NME7: variants seen among roughly 807,000 people sequenced by gnomAD.
The protein encoded by NME7 is nucleoside diphosphate kinase 7.
Under a neutral mutation model 49.1 loss-of-function variants are expected in NME7, and 41 were observed. The ratio of observed to expected loss-of-function variants is 0.83; its 90% CI spans 0.65 to 1.08. The LOEUF is 1.08. Among genes scored for constraint, NME7 ranks in the 50% least tolerant of loss-of-function variants. The pLI is 0.00. For missense variants in NME7, 423 were observed against 463.4 expected, an observed-to-expected ratio of 0.91 and a Z score of 0.80; for synonymous variants, 139 against 150.6, an observed-to-expected ratio of 0.92 and a Z score of 0.56.
chr1:169,182,002 T>C (rs964939189), intron 10 of NME7, among the ~76,000 whole-genome samples: 8 of 152,004 alleles, frequency 5.3e-5, no homozygotes, highest in Non-Finnish European at 1.5e-5. Context: ...CTATCATATA[T>C]CTTTAGACGA....
chr1:169,341,623 A>G (rs1652703359), intron 1 of NME7, among the ~76,000 whole-genome samples: 1 of 152,186 alleles, frequency 6.6e-6, no homozygotes, highest in Non-Finnish European at 1.5e-5. Context: ...ACTCGATGCC[A>G]GCCTTTGAAA....
At chr1:169,145,287 G>A (rs1367437393) in intron 11 of NME7, among the ~76,000 whole-genome samples, 1 of 152,216 alleles carries the variant, frequency 6.6e-6, no homozygotes, top group Non-Finnish European at 1.5e-5. Flanking sequence ...AAGGGGACCA[G>A]TATTTATCAT....
chr1:169,323,419 C>T (rs1651930698), intron 2 of NME7, 136 bp from the exon 3 acceptor site: 1 of 645,840 alleles, frequency 1.5e-6, no homozygotes, highest in African/African-American at 1.9e-5. Flanking sequence ...TTTTTTGTTA[C>T]AAATATAAAT....
At chr1:169,259,695 GT>G (rs1649101998) in intron 7 of NME7, among the ~76,000 whole-genome samples, 1 of 133,810 alleles carries the variant, frequency 7.5e-6, no homozygotes, top group Non-Finnish European at 1.8e-5. Flanking sequence ...GCCAAACCTT[GT>G]TTCATTTATT....
chr1:169,317,961 G>T (rs1226421353), intron 3 of NME7, among the ~76,000 whole-genome samples: 1 of 152,168 alleles, frequency 6.6e-6, no homozygotes, highest in East Asian at 1.9e-4. Flanking sequence ...TCAAGTAGGG[G>T]ATAGTGTACA....
At chr1:169,238,908 T>G (rs1647971412) in intron 7 of NME7, among the ~76,000 whole-genome samples, 1 of 152,068 alleles carries the variant, frequency 6.6e-6, no homozygotes, top group Non-Finnish European at 1.5e-5. Context: ...TGTTTTATAT[T>G]TTCCTTGCTA....
intron 7 of NME7, among the ~76,000 whole-genome samples, chr1:169,239,873 A>G (rs1648007491): frequency 6.6e-6 from 1 of 152,070 alleles, no homozygotes; most frequent in Non-Finnish European, 1.5e-5. Flanking sequence ...TGGAAAGGAA[A>G]TGAGACAGAA....
At chr1:169,153,880 T>A (rs920706184) in intron 11 of NME7, among the ~76,000 whole-genome samples, 1 of 128,590 alleles carries the variant, frequency 7.8e-6, no homozygotes, top group Non-Finnish European at 1.7e-5. Context: ...TTTTTTTTTT[T>A]TATTTTTTGT....
At chr1:169,288,434 G>A (rs946832302) in intron 6 of NME7, among the ~76,000 whole-genome samples, 3 of 152,192 alleles carry the variant, frequency 2.0e-5, no homozygotes, top group Non-Finnish European at 2.9e-5. Context: ...AATCTCTGTA[G>A]ATGTGAGTTT....
At chr1:169,287,186 A>T in intron 7 of NME7, 117 bp downstream of exon 7, 1 of 872,616 alleles carries the variant, frequency 1.1e-6, no homozygotes, top group Admixed American at 2.3e-5. Context: ...GTGCCTTCAA[A>T]GAAAAAAAAT....
At chr1:169,187,767 T>A (rs577385218) in intron 10 of NME7, among the ~76,000 whole-genome samples, 1 of 152,312 alleles carries the variant, frequency 6.6e-6, no homozygotes, top group South Asian at 2.1e-4. Context: ...GTTAATATTG[T>A]TATGTGTGAA....
intron 10 of NME7, among the ~76,000 whole-genome samples, chr1:169,172,493 T>G (rs774851640): frequency 7.9e-5 from 12 of 152,162 alleles, no homozygotes; most frequent in South Asian, 2.1e-4. Flanking sequence ...ACATATGGTC[T>G]TCTGCCATCT....
At chr1:169,290,616 T>C (rs1052257205) in intron 6 of NME7, among the ~76,000 whole-genome samples, 2 of 152,174 alleles carry the variant, frequency 1.3e-5, no homozygotes, top group Non-Finnish European at 2.9e-5. Flanking sequence ...AAAGACTTCA[T>C]GACTAAAAGA....
intron 6 of NME7, among the ~76,000 whole-genome samples, chr1:169,289,097 C>A (rs754516822): frequency 2.0e-5 from 3 of 152,172 alleles, no homozygotes; most frequent in Non-Finnish European, 2.9e-5. Flanking sequence ...TCCACCAAAG[C>A]TGCTCATTAA....
chr1:169,359,110 C>T (rs1288976811), intron 1 of NME7, among the ~76,000 whole-genome samples: 3 of 152,058 alleles, frequency 2.0e-5, no homozygotes, highest in African/African-American at 4.8e-5. Context: ...TCCTTAGACG[C>T]TCAAGTCCCT....
chr1:169,362,419 T>C (rs1000618666), intron 1 of NME7, among the ~76,000 whole-genome samples: 11 of 152,250 alleles, frequency 7.2e-5, no homozygotes, highest in East Asian at 1.9e-4. Flanking sequence ...TTACCTTCTC[T>C]GTCCTCTTTA....
chr1:169,257,233 C>T (rs1266579295), intron 7 of NME7, among the ~76,000 whole-genome samples: 1 of 134,650 alleles, frequency 7.4e-6, no homozygotes, highest in South Asian at 2.3e-4. Context: ...GGGCATAGGA[C>T]CCTCCAAGCC....
chr1:169,200,223 G>A (rs1660507779), intron 10 of NME7, among the ~76,000 whole-genome samples: 1 of 151,966 alleles, frequency 6.6e-6, no homozygotes, highest in Non-Finnish European at 1.5e-5. Context: ...AAACATGGCA[G>A]GGAGTTATTC....
At chr1:169,304,774 T>C (rs183791873) in intron 4 of NME7, among the ~76,000 whole-genome samples, 234 of 152,310 alleles carry the variant, frequency 1.5e-3, no homozygotes, top group African/African-American at 5.1e-3. Context: ...AGCTCTCTGA[T>C]TGCAAATTTC....
Sources: allele counts gnomAD v4.1 joint callset (sites outside exome capture counted in the v4.1 genomes callset), GRCh38; gene constraint gnomAD v4.1.1; transcripts MANE v1.5; gene names NCBI Gene and HGNC (gene_info 2026-07-23, HGNC 2026-07-21).